Variants in FHIT observed in about 807,000 individuals in gnomAD.
FHIT encodes the protein fragile histidine triad diadenosine triphosphatase.
FHIT carries 19 observed loss-of-function variants against 17.9 expected under a neutral mutation model. That is an observed-to-expected ratio of 1.06 (90% CI 0.74 to 1.56). The LOEUF is 1.56. Ranked by LOEUF, FHIT falls within the 40% of genes most tolerant of loss-of-function variation. The pLI is 0.00. For missense variants in FHIT, 248 were observed against 189.2 expected (o/e 1.31, Z -1.82); for synonymous variants, 81 against 69.7 (o/e 1.16, Z -0.81).
intron 8 of FHIT, among the ~76,000 whole-genome samples, chr3:59,821,755 T>A (rs56390532): frequency 3.0e-3 from 454 of 151,972 alleles, no homozygotes; most frequent in Middle Eastern, 0.01. Flanking sequence ...AGTTTTTTTT[T>A]AAAAAAAATA....
chr3:60,569,588 C>A (rs1053548646), intron 4 of FHIT, among the ~76,000 whole-genome samples: 5 of 151,492 alleles, frequency 3.3e-5, no homozygotes, highest in African/African-American at 1.2e-4. Flanking sequence ...GTCAGAACGC[C>A]TGGGTTCTTA....
chr3:61,104,129 T>C (rs2035921617), intron 2 of FHIT, among the ~76,000 whole-genome samples: 1 of 152,182 alleles, frequency 6.6e-6, no homozygotes, highest in South Asian at 2.1e-4. Context: ...CTGGTTATTT[T>C]GCAGACTTGT....
At chr3:60,106,565 C>T (rs1034256549) in intron 5 of FHIT, among the ~76,000 whole-genome samples, 1 of 152,146 alleles carries the variant, frequency 6.6e-6, no homozygotes, top group African/African-American at 2.4e-5. Context: ...ATTTCAGGCA[C>T]CCACTGGGGG....
intron 2 of FHIT, among the ~76,000 whole-genome samples, chr3:61,137,366 A>G (rs2036947979): frequency 6.6e-6 from 1 of 150,920 alleles, no homozygotes. Flanking sequence ...ATTCTTCAAA[A>G]CACAACTCAA....
chr3:61,025,836 A>T (rs1198798970), intron 3 of FHIT, among the ~76,000 whole-genome samples: 1 of 152,196 alleles, frequency 6.6e-6, no homozygotes, highest in Admixed American at 6.5e-5. Flanking sequence ...CTAGCTCCTA[A>T]GTTTTACTTT....
intron 7 of FHIT, among the ~76,000 whole-genome samples, chr3:60,003,307 C>A (rs1415675955): frequency 6.6e-6 from 1 of 152,126 alleles, no homozygotes; most frequent in Non-Finnish European, 1.5e-5. Context: ...TATATGGCAG[C>A]CTATAAGCAA....
At chr3:61,023,140 C>T (rs1183231246) in intron 3 of FHIT, among the ~76,000 whole-genome samples, 1 of 152,196 alleles carries the variant, frequency 6.6e-6, no homozygotes, top group Admixed American at 6.5e-5. Flanking sequence ...GCAACTTCAG[C>T]AAAGTCTCAG....
At chr3:60,206,099 C>G (rs1370781536) in intron 5 of FHIT, among the ~76,000 whole-genome samples, 1 of 148,062 alleles carries the variant, frequency 6.8e-6, no homozygotes, top group East Asian at 2.0e-4. Context: ...AGCCACTGCA[C>G]TCCAGCCTGG....
chr3:59,841,319 C>T (rs770043104), intron 8 of FHIT, among the ~76,000 whole-genome samples: 2 of 152,122 alleles, frequency 1.3e-5, no homozygotes, highest in African/African-American at 2.4e-5. Flanking sequence ...GGGACTTGGC[C>T]TCCCAACTGT....
At chr3:60,463,131 T>C (rs1445674292) in intron 5 of FHIT, among the ~76,000 whole-genome samples, 1 of 152,200 alleles carries the variant, frequency 6.6e-6, no homozygotes. Context: ...CTTTTCTTCA[T>C]TTGTAGGTGG....
intron 1 of FHIT, among the ~76,000 whole-genome samples, chr3:61,240,658 G>A (rs941602465): frequency 5.1e-4 from 78 of 152,238 alleles, no homozygotes; most frequent in African/African-American, 1.8e-3. Flanking sequence ...GGATCTTTAA[G>A]GTAACATGTT....
chr3:60,020,148 A>T (rs1044925048), intron 5 of FHIT, among the ~76,000 whole-genome samples: 1 of 152,206 alleles, frequency 6.6e-6, no homozygotes, highest in African/African-American at 2.4e-5. Context: ...AAAAGGGAGA[A>T]TCTTCCCAAC....
At chr3:60,110,446 A>G (rs1167265356) in intron 5 of FHIT, among the ~76,000 whole-genome samples, 3 of 152,184 alleles carry the variant, frequency 2.0e-5, no homozygotes, top group Admixed American at 2.0e-4. Context: ...AAGCAGGGTA[A>G]GAGAGTCTTC....
chr3:60,179,557 G>A (rs567623279), intron 5 of FHIT, among the ~76,000 whole-genome samples: 53 of 152,210 alleles, frequency 3.5e-4, no homozygotes, highest in African/African-American at 1.3e-3. Context: ...ATTTTTGGAG[G>A]ATGTGCCATT....
chr3:61,005,017 G>C (rs779333041), intron 3 of FHIT, among the ~76,000 whole-genome samples: 1 of 152,140 alleles, frequency 6.6e-6, no homozygotes, highest in East Asian at 1.9e-4. Context: ...AGCAGAGAGG[G>C]AGAAGAACCA....
chr3:61,221,910 A>G (rs2039849910), intron 1 of FHIT, among the ~76,000 whole-genome samples: 1 of 152,168 alleles, frequency 6.6e-6, no homozygotes, highest in Admixed American at 6.5e-5. Flanking sequence ...TTCCACCTCC[A>G]CCACGTGGCC....
intron 3 of FHIT, among the ~76,000 whole-genome samples, chr3:60,902,519 G>A (rs1170210140): frequency 2.0e-5 from 3 of 152,184 alleles, no homozygotes; most frequent in Non-Finnish European, 2.9e-5. Flanking sequence ...AACATATTCA[G>A]TCATCCTGAT....
At chr3:59,888,182 A>G (rs1437502271) in intron 8 of FHIT, among the ~76,000 whole-genome samples, 1 of 152,198 alleles carries the variant, frequency 6.6e-6, no homozygotes, top group East Asian at 1.9e-4. Context: ...TAACAAATTC[A>G]TACCCAATAA....
At chr3:60,071,998 C>A (rs1386519912) in intron 5 of FHIT, among the ~76,000 whole-genome samples, 1 of 152,160 alleles carries the variant, frequency 6.6e-6, no homozygotes, top group Non-Finnish European at 1.5e-5. Context: ...AACTGTGAGT[C>A]CGTTAAACCT....
Sources: gnomAD v4.1 joint callset for allele counts (sites outside exome capture counted in the v4.1 genomes callset) on GRCh38, gnomAD v4.1.1 for gene constraint, MANE v1.5 for transcripts, NCBI Gene and HGNC (gene_info 2026-07-23, HGNC 2026-07-21) for gene names.